PLXNA4: variants seen among roughly 807,000 people sequenced by gnomAD.
PLXNA4 encodes the protein plexin-A4.
A neutral mutation model predicts 191.8 loss-of-function variants in PLXNA4; 44 were observed. That is an observed-to-expected ratio of 0.23 (90% CI 0.18 to 0.29). The LOEUF (loss-of-function observed/expected upper bound fraction) is 0.29, where lower values mean the gene tolerates loss of function less well. Ranked by LOEUF, PLXNA4 falls within the 10% of genes least tolerant of loss-of-function variation. The pLI is 1.00. For missense variants in PLXNA4, 1,800 were observed against 2,488.8 expected (o/e 0.72, Z 5.89); for synonymous variants, 1,082 against 1,009.5 (o/e 1.07, Z -1.36).
intron 2 of PLXNA4, among the ~76,000 whole-genome samples, chr7:132,606,271 C>A (rs1055833938): frequency 6.6e-6 from 1 of 152,160 alleles, no homozygotes; most frequent in Non-Finnish European, 1.5e-5. Context: ...CCTGCAGTCA[C>A]CTTGATTTTA....
intron 3 of PLXNA4, among the ~76,000 whole-genome samples, chr7:132,405,756 T>C (rs529235625): frequency 1.4e-4 from 21 of 152,348 alleles, no homozygotes; most frequent in Admixed American, 1.4e-3. Flanking sequence ...GCATCTGGAT[T>C]CCTTAGACTT....
At chr7:132,450,852 G>A (rs990726506) in intron 3 of PLXNA4, among the ~76,000 whole-genome samples, 14 of 152,148 alleles carry the variant, frequency 9.2e-5, no homozygotes, top group East Asian at 3.9e-4. Flanking sequence ...TGAGCAAGTC[G>A]GAGGCCCAGG....
chr7:132,628,454 T>C (rs1376105368), intron 2 of PLXNA4, among the ~76,000 whole-genome samples: 1 of 152,182 alleles, frequency 6.6e-6, no homozygotes, highest in Non-Finnish European at 1.5e-5. Flanking sequence ...GAGTGTTTTT[T>C]TCTCCTTGAT....
intron 21 of PLXNA4, among the ~76,000 whole-genome samples, chr7:132,171,501 C>G (rs1345040707): frequency 1.3e-5 from 2 of 152,188 alleles, no homozygotes; most frequent in African/African-American, 4.8e-5. Flanking sequence ...CCCACCAGCT[C>G]AGACTGGCCG....
In PLXNA4 at chr7:132,128,102, C is replaced by A. The variant is rs567771079; in HGVS notation, c.*2377G>T. 1.3e-5 allele frequency: 2 copies of A among 152,100 alleles called. No individual in the cohort carries two copies. Among genetic ancestry groups the A allele is most frequent in the Non-Finnish European group, 2.9e-5 (2 of 68,006 alleles). 9.4% of individuals were successfully genotyped at this position (152,100 alleles called of 1,614,324 possible). ...CGTTTGTGTCTCTTTCCTCCCCAAC[C>A]CTTTATATGTGCAAAAATATTGTAG... is the stretch of plus-strand genomic sequence containing the variant. On this transcript the variant is annotated 3_prime_UTR_variant, in exon 32 of 32. Coordinates refer to ENST00000321063, the MANE Select transcript of PLXNA4 (RefSeq NM_020911.2).
intron 31 of PLXNA4, among the ~76,000 whole-genome samples, chr7:132,132,438 T>C (rs62469690): frequency 0.092 from 7,350 of 80,236 alleles, 632 homozygotes; most frequent in Admixed American, 0.18. Context: ...TTCTGTTCTG[T>C]TCTGTTCTGT....
intron 1 of PLXNA4, among the ~76,000 whole-genome samples, chr7:132,551,715 T>C (rs1369882231): frequency 1.3e-5 from 2 of 152,184 alleles, no homozygotes; most frequent in East Asian, 1.9e-4. Context: ...GTGTCACCTT[T>C]CAAAGGGTGT....
chr7:132,322,634 A>C (rs947403998), intron 3 of PLXNA4, among the ~76,000 whole-genome samples: 1 of 152,076 alleles, frequency 6.6e-6, no homozygotes, highest in African/African-American at 2.4e-5. Flanking sequence ...CTAGTTTCAA[A>C]CCCCAAAAAG....
chr7:132,146,096 A>G (rs947682570), intron 28 of PLXNA4, among the ~76,000 whole-genome samples: 19 of 150,642 alleles, frequency 1.3e-4, no homozygotes, highest in East Asian at 5.8e-4. Context: ...AAAAAAAAAA[A>G]AAAAAAAGAA....
chr7:132,530,979 AG>A (rs1273044745), intron 1 of PLXNA4, among the ~76,000 whole-genome samples: 1 of 152,260 alleles, frequency 6.6e-6, no homozygotes, highest in Admixed American at 6.5e-5. Flanking sequence ...CAGACATAAA[AG>A]GACAAATATT....
At chr7:132,340,394 G>A (rs1802981997) in intron 3 of PLXNA4, among the ~76,000 whole-genome samples, 2 of 152,204 alleles carry the variant, frequency 1.3e-5, no homozygotes, top group Non-Finnish European at 2.9e-5. Context: ...GTCCACCAAG[G>A]AGGGGCAAGG....
intron 3 of PLXNA4, among the ~76,000 whole-genome samples, chr7:132,473,549 C>G (rs1257879732): frequency 6.6e-6 from 1 of 152,210 alleles, no homozygotes; most frequent in African/African-American, 2.4e-5. Context: ...GAAATAAATA[C>G]ATTTCTAAAT....
chr7:132,358,132 T>C (rs567414586), intron 3 of PLXNA4, among the ~76,000 whole-genome samples: 1 of 152,384 alleles, frequency 6.6e-6, no homozygotes, highest in Non-Finnish European at 1.5e-5. Flanking sequence ...TTCCTGTGAC[T>C]GCGTCTATGT....
intron 1 of PLXNA4, among the ~76,000 whole-genome samples, chr7:132,562,340 CCTT>C (rs1236840502): frequency 1.2e-4 from 14 of 115,558 alleles, no homozygotes; most frequent in Admixed American, 3.3e-4. Context: ...CTCTCCTCCT[CCTT>C]CTTCTCCTTC....
At chr7:132,449,169 T>A (rs156936) in intron 3 of PLXNA4, among the ~76,000 whole-genome samples, 22,574 of 152,156 alleles carry the variant, frequency 0.15, 2,413 homozygotes, top group East Asian at 0.29. Flanking sequence ...TTATAAGTTA[T>A]CTTGAGCTCA....
intron 4 of PLXNA4, among the ~76,000 whole-genome samples, chr7:132,275,161 G>A (rs932418934): frequency 6.6e-6 from 1 of 151,988 alleles, no homozygotes; most frequent in Non-Finnish European, 1.5e-5. Context: ...CATAATTAAA[G>A]ATTTTTCCTC....
intron 4 of PLXNA4, among the ~76,000 whole-genome samples, chr7:132,261,294 G>A (rs1399608420): frequency 6.6e-6 from 1 of 152,302 alleles, no homozygotes; most frequent in South Asian, 2.1e-4. Context: ...CCTGCAGTGG[G>A]CTGGAACAGA....
chr7:132,485,162 T>C, intron 3 of PLXNA4: 1 of 1,201,592 alleles, frequency 8.3e-7, no homozygotes. Context: ...ACCCAGTACC[T>C]ATTCAGAGAG....
chr7:132,442,788 C>T (rs1795745242), intron 3 of PLXNA4, among the ~76,000 whole-genome samples: 1 of 152,228 alleles, frequency 6.6e-6, no homozygotes, highest in Non-Finnish European at 1.5e-5. Context: ...TCAGCAATAC[C>T]TTCTGGCCCC....
Sources: gnomAD v4.1 joint callset for allele counts (sites outside exome capture counted in the v4.1 genomes callset) on GRCh38, gnomAD v4.1.1 for gene constraint, MANE v1.5 for transcripts, NCBI Gene and HGNC (gene_info 2026-07-23, HGNC 2026-07-21) for gene names.